Variants in MAGI2 observed in about 807,000 individuals in gnomAD.
The protein encoded by MAGI2 is membrane-associated guanylate kinase, WW and PDZ domain-containing protein 2.
In MAGI2, 35 loss-of-function variants were observed where a neutral mutation model predicts 133.3. The ratio of observed to expected loss-of-function variants is 0.26; its 90% confidence interval spans 0.20 to 0.35. The LOEUF (loss-of-function observed/expected upper bound fraction) is 0.35, where lower values mean the gene tolerates loss of function less well. Ranked by LOEUF, MAGI2 falls within the 10% of genes least tolerant of loss-of-function variation. MAGI2 has a pLI of 1.00. For synonymous variants in MAGI2, 729 were observed against 710.6 expected, an observed-to-expected ratio of 1.03 and a Z score of -0.41; for missense variants, 1,636 against 1,863.4, an observed-to-expected ratio of 0.88 and a Z score of 2.25.
chr7:79,401,066 T>C (rs910218136), intron 1 of MAGI2, among the ~76,000 whole-genome samples: 4 of 152,160 alleles, frequency 2.6e-5, no homozygotes, highest in African/African-American at 9.7e-5. Flanking sequence ...TATATTTAAG[T>C]AGGAATTTTC....
At position 79,310,162 on chromosome 7, in the gene MAGI2, CAAAAAAAAA is replaced by C. The variant is rs71518921; in HGVS notation, c.301+142849_301+142857del. Among the ~76,000 whole-genome samples the C allele has an allele frequency of 6.8e-4, 11 of 16,294 alleles. No individual in the cohort carries two copies. The East Asian group carries it at 0.025, about 36-fold the overall frequency. The allele number at this position is 16,294 out of a possible 152,430, so 10.7% of individuals were successfully genotyped here. A position where few individuals can be genotyped will look rare whatever the true frequency, so the allele number is the denominator to read the frequency against. Reference sequence around the variant, plus strand: ...CTGGGAGACAGAGGAGAGTCCATCTCAAAAAAAAAAAAAAAAAAAAAAAAAAAAAAAAAG... The same window carrying C: ...CTGGGAGACAGAGGAGAGTCCATCTCAAAAAAAAAAAAAAAAAAAAAAAAG... On this transcript the variant is annotated intron_variant, in intron 1 of 21. Transcript: ENST00000354212.
At chr7:78,917,464 T>C (rs997320185) in intron 2 of MAGI2, among the ~76,000 whole-genome samples, 1 of 152,086 alleles carries the variant, frequency 6.6e-6, no homozygotes, top group African/African-American at 2.4e-5. Context: ...TGGGGTGGGA[T>C]AGATGTGGTG....
At chr7:79,010,334 A>G (rs148599530) in intron 1 of MAGI2, among the ~76,000 whole-genome samples, 2 of 152,198 alleles carry the variant, frequency 1.3e-5, no homozygotes, top group East Asian at 3.9e-4. Context: ...TTTATCCTCA[A>G]TTAGAAATTT....
chr7:78,884,972 C>A (rs1796152331), intron 2 of MAGI2, among the ~76,000 whole-genome samples: 1 of 152,076 alleles, frequency 6.6e-6, no homozygotes, highest in African/African-American at 2.4e-5. Context: ...CAATATGCAG[C>A]CAAAACAATA....
intron 1 of MAGI2, among the ~76,000 whole-genome samples, chr7:79,015,978 C>T (rs1808669751): frequency 9.0e-6 from 1 of 111,534 alleles, no homozygotes; most frequent in African/African-American, 3.6e-5. Context: ...ATTTCTAGCC[C>T]TCAATGACTC....
chr7:78,412,630 CTG>C (rs1233162937), intron 6 of MAGI2, among the ~76,000 whole-genome samples: 1 of 152,042 alleles, frequency 6.6e-6, no homozygotes, highest in African/African-American at 2.4e-5. Flanking sequence ...GTTCTAGTCA[CTG>C]TTTCTCTCAC....
intron 6 of MAGI2, among the ~76,000 whole-genome samples, chr7:78,427,967 A>C: frequency 6.6e-6 from 1 of 152,192 alleles, no homozygotes. Flanking sequence ...GGAATTTTTC[A>C]TCCTATGCCA....
intron 1 of MAGI2, among the ~76,000 whole-genome samples, chr7:79,149,616 T>G (rs919499020): frequency 2.6e-5 from 4 of 152,166 alleles, no homozygotes; most frequent in African/African-American, 9.7e-5. Context: ...TTCTTTTGAT[T>G]ATATCAAGAA....
At chr7:78,206,987 C>T (rs375104654) in intron 10 of MAGI2, among the ~76,000 whole-genome samples, 39 of 152,134 alleles carry the variant, frequency 2.6e-4, no homozygotes, top group African/African-American at 9.2e-4. Flanking sequence ...CATTGTTGAG[C>T]TGTACACTGA....
chr7:78,739,709 A>G (rs543112696), intron 2 of MAGI2, among the ~76,000 whole-genome samples: 50 of 152,304 alleles, frequency 3.3e-4, no homozygotes, highest in African/African-American at 9.6e-4. Flanking sequence ...TCGTGAAAGC[A>G]ATTTCTTAGT....
At chr7:78,715,893 C>T (rs147340660) in intron 2 of MAGI2, among the ~76,000 whole-genome samples, 15 of 64,234 alleles carry the variant, frequency 2.3e-4, no homozygotes, top group Middle Eastern at 9.8e-3. Context: ...CCATAACACT[C>T]GGAATTTTCA....
At chr7:78,478,086 C>T (rs1008477527) in intron 6 of MAGI2, among the ~76,000 whole-genome samples, 4 of 151,714 alleles carry the variant, frequency 2.6e-5, no homozygotes, top group Non-Finnish European at 5.9e-5. Context: ...TCCCTATCCC[C>T]CAACAGGCCC....
intron 1 of MAGI2, among the ~76,000 whole-genome samples, chr7:79,022,330 G>A (rs1220748906): frequency 6.6e-6 from 1 of 151,906 alleles, no homozygotes; most frequent in African/African-American, 2.4e-5. Context: ...TGAAACTAAT[G>A]AGAAAAAAAT....
At chr7:78,100,361 T>C (rs1244371941) in intron 20 of MAGI2, among the ~76,000 whole-genome samples, 2 of 152,176 alleles carry the variant, frequency 1.3e-5, no homozygotes, top group East Asian at 1.9e-4. Context: ...CACTTCTTTT[T>C]TTCTTTTTGA....
chr7:79,331,800 G>A (rs1197861894), intron 1 of MAGI2, among the ~76,000 whole-genome samples: 1 of 151,968 alleles, frequency 6.6e-6, no homozygotes, highest in Non-Finnish European at 1.5e-5. Flanking sequence ...TTTTAAAAAG[G>A]TATCATTTTT....
intron 9 of MAGI2, among the ~76,000 whole-genome samples, chr7:78,323,759 A>G (rs1267871488): frequency 6.6e-6 from 1 of 152,212 alleles, no homozygotes; most frequent in Admixed American, 6.5e-5. Context: ...CATAAAAATT[A>G]TTGCATAGTT....
intron 2 of MAGI2, among the ~76,000 whole-genome samples, chr7:78,677,882 G>A (rs1441738049): frequency 6.6e-6 from 1 of 152,098 alleles, no homozygotes; most frequent in East Asian, 1.9e-4. Flanking sequence ...GTCTGGGGGA[G>A]CTGTCAGGAG....
chr7:79,453,367 G>A lies in MAGI2; in HGVS notation c.-47C>T. 2 of 1,547,882 alleles carry A rather than the reference G, an allele frequency of 1.3e-6. No individual in the cohort carries two copies. Among genetic ancestry groups the A allele is most frequent in the Non-Finnish European group, 1.7e-6 (2 of 1,149,848 alleles). ...AGTTCCTGGGCTCCTTGGGGTTAGG[G>A]GGGCTGGTGGTGAGAGAATGAGGAT... On this transcript the variant is annotated 5_prime_UTR_variant, in exon 1 of 22. Coordinates refer to ENST00000354212, the MANE Select transcript of MAGI2 (RefSeq NM_012301.4).
chr7:78,511,986 G>T (rs1795631641), intron 4 of MAGI2, among the ~76,000 whole-genome samples: 1 of 151,894 alleles, frequency 6.6e-6, no homozygotes, highest in Non-Finnish European at 1.5e-5. Context: ...AGCCGGGGGT[G>T]GTGGCGGGCA....
Sources: gnomAD v4.1 joint callset for allele counts (sites outside exome capture counted in the v4.1 genomes callset) on GRCh38, gnomAD v4.1.1 for gene constraint, MANE v1.5 for transcripts, NCBI Gene and HGNC (gene_info 2026-07-23, HGNC 2026-07-21) for gene names.